The following TANC1 variants were observed in gnomAD, a reference collection of about 807,000 sequenced individuals.
TANC1 encodes protein TANC1.
A neutral mutation model predicts 149.7 loss-of-function variants in TANC1; 77 were observed. The ratio of observed to expected loss-of-function variants is 0.51; its 90% CI spans 0.43 to 0.62. TANC1 has a LOEUF of 0.62. Ranked by LOEUF, TANC1 falls within the 20% of genes least tolerant of loss-of-function variation. The pLI is 0.00. For synonymous variants in TANC1, 854 were observed against 925.0 expected, an observed-to-expected ratio of 0.92 and a Z score of 1.39; for missense variants, 1,985 against 2,321.8, an observed-to-expected ratio of 0.85 and a Z score of 2.98.
chr2:159,090,392 T>G (rs1315086308), intron 3 of TANC1, among the ~76,000 whole-genome samples: 1 of 152,232 alleles, frequency 6.6e-6, no homozygotes, highest in Non-Finnish European at 1.5e-5. Flanking sequence ...TTTGACCACC[T>G]TCTTGCTTCT....
chr2:159,228,934 T>G lies in TANC1; in HGVS notation c.4151+38T>G, dbSNP rs781270552. The stretch of plus-strand genomic sequence containing the variant: ...GTTATCTTTGTGTCTAGAGCTTTTT[T>G]TCTTGTGGGATCAAACCTGCCTGTT... On this transcript the variant is annotated intron_variant, in intron 26 of 26. Transcript: ENST00000263635. 9.7e-6 allele frequency: 15 copies of G among 1,543,140 alleles called. No individual in the cohort carries two copies. In the Admixed American group the frequency reaches 1.2e-4, roughly 12 times the overall value.
rs1235572493 is a variant in TANC1 at position 159,163,325 on chromosome 2, C to T, written c.725C>T (p.Ser242Phe). 6.8e-6 allele frequency: 11 copies of T among 1,614,118 alleles called. No homozygotes were observed. The highest frequency in any genetic ancestry group is 8.5e-6 in the Non-Finnish European group (10 of 1,180,006). ...TCCGAAAATGATGACCGGAGTGGCTCCAGTTTGGAATGGAATAAAGATGGA... is the reference window on the plus strand; with the variant it reads ...TCCGAAAATGATGACCGGAGTGGCTTCAGTTTGGAATGGAATAAAGATGGA... Reference protein sequence around the residue: ...SSSENDDRSGSSLEWNKDGNL... With the variant: ...SSSENDDRSGFSLEWNKDGNL... The change falls in exon 8 of 27, where the codon TCC becomes TTC. Residue 242 changes from serine (S) to phenylalanine (F), a missense_variant. Physicochemically the swap from Ser to Phe is radical, Grantham distance 155. This residue lies in a region of TANC1 where 557 missense variants were observed against 612.9 expected (regional missense o/e 0.91). Coordinates refer to ENST00000263635, the MANE Select transcript of TANC1 (RefSeq NM_033394.3).
chr2:159,016,247 C>T (rs2038253343), intron 2 of TANC1, among the ~76,000 whole-genome samples: 1 of 152,224 alleles, frequency 6.6e-6, no homozygotes, highest in African/African-American at 2.4e-5. Context: ...GATGCAAAAG[C>T]AGAAACCCCT....
chr2:159,089,093 C>G (rs2045261432), intron 3 of TANC1, among the ~76,000 whole-genome samples: 1 of 152,116 alleles, frequency 6.6e-6, no homozygotes, highest in African/African-American at 2.4e-5. Context: ...ATACAGAGGC[C>G]GACTCCAGGG....
At chr2:159,092,104 G>A (rs1196865806) in intron 3 of TANC1, among the ~76,000 whole-genome samples, 2 of 152,128 alleles carry the variant, frequency 1.3e-5, no homozygotes, top group African/African-American at 2.4e-5. Context: ...CACAAGTTCC[G>A]TTTTCTGGAG....
At chr2:159,208,831 T>C (rs2058798576) in intron 19 of TANC1, among the ~76,000 whole-genome samples, 1 of 152,200 alleles carries the variant, frequency 6.6e-6, no homozygotes, top group Non-Finnish European at 1.5e-5. Context: ...GATTTGGTCA[T>C]TGCGTGAAAA....
chr2:159,175,960 G>A (rs539099507), intron 12 of TANC1, among the ~76,000 whole-genome samples: 2 of 152,350 alleles, frequency 1.3e-5, no homozygotes, highest in Non-Finnish European at 2.9e-5. Context: ...GAGGGGGTCA[G>A]TTTCCCTTCC....
chr2:159,224,663 T>C (rs2059910872), intron 23 of TANC1: 2 of 324,584 alleles, frequency 6.2e-6, no homozygotes, highest in Middle Eastern at 9.4e-4. Context: ...TGGGGCCGGG[T>C]AGTGCTGCTG....
At chr2:159,146,448 C>G (rs535780306) in intron 5 of TANC1, among the ~76,000 whole-genome samples, 1 of 151,874 alleles carries the variant, frequency 6.6e-6, no homozygotes, top group African/African-American at 2.4e-5. Context: ...ATCCCAACCC[C>G]GGGTAAGGGT....
At chr2:159,009,731 A>C (rs750653104) in intron 2 of TANC1, among the ~76,000 whole-genome samples, 1 of 152,190 alleles carries the variant, frequency 6.6e-6, no homozygotes, top group African/African-American at 2.4e-5. Context: ...ATATTTTCAG[A>C]TAGCTAGAAG....
At chr2:159,023,646 A>G (rs1331222475) in intron 2 of TANC1, among the ~76,000 whole-genome samples, 1 of 151,776 alleles carries the variant, frequency 6.6e-6, no homozygotes, top group East Asian at 2.0e-4. Context: ...CTGGCCACCC[A>G]TGGCTTTTAA....
At chr2:159,181,198 G>A (rs2056431037) in intron 14 of TANC1, among the ~76,000 whole-genome samples, 3 of 152,024 alleles carry the variant, frequency 2.0e-5, no homozygotes, top group Non-Finnish European at 1.5e-5. Context: ...TTACTAAGCT[G>A]TTAGAAGTCT....
chr2:159,128,919 G>C (rs1322044540), intron 4 of TANC1, among the ~76,000 whole-genome samples: 1 of 152,116 alleles, frequency 6.6e-6, no homozygotes, highest in Non-Finnish European at 1.5e-5. Context: ...TTGCCTTAGT[G>C]ATAAAGGTTC....
intron 1 of TANC1, among the ~76,000 whole-genome samples, chr2:158,975,522 G>A (rs987209611): frequency 6.6e-6 from 1 of 152,016 alleles, no homozygotes; most frequent in African/African-American, 2.4e-5. Context: ...GTCAGCACAA[G>A]AGAACAAGTA....
intron 3 of TANC1, among the ~76,000 whole-genome samples, chr2:159,091,933 G>C (rs980873655): frequency 6.9e-6 from 1 of 145,948 alleles, no homozygotes; most frequent in Admixed American, 7.1e-5. Context: ...GGATCTTGTG[G>C]AAGAAATCTT....
chr2:159,178,424 C>A, intron 13 of TANC1, 132 bp from the exon 14 acceptor site: 4 of 1,084,468 alleles, frequency 3.7e-6, no homozygotes, highest in Non-Finnish European at 5.3e-6. Context: ...CGTTTTAATA[C>A]AAAACAATGA....
chr2:159,228,590 GT>G, intron 25 of TANC1: 2 of 538,560 alleles, frequency 3.7e-6, no homozygotes, highest in South Asian at 4.2e-5. Context: ...TACTACCACT[GT>G]TTTCATAGTG....
intron 8 of TANC1, among the ~76,000 whole-genome samples, 184 bp from the exon 9 acceptor site, chr2:159,169,066 T>C (rs1241886117): frequency 6.6e-6 from 1 of 152,234 alleles, no homozygotes; most frequent in African/African-American, 2.4e-5. Flanking sequence ...ATTTGGTTTT[T>C]ACCACTTTTC....
intron 2 of TANC1, among the ~76,000 whole-genome samples, chr2:159,029,629 T>C (rs531700262): frequency 6.6e-6 from 1 of 152,336 alleles, no homozygotes; most frequent in East Asian, 1.9e-4. Context: ...AGTGGCACAA[T>C]CATAGTTCAC....
Sources: gnomAD v4.1 joint callset for allele counts (sites outside exome capture counted in the v4.1 genomes callset) on GRCh38, gnomAD v4.1.1 for gene constraint, gnomAD v4.1.1 regional missense constraint, MANE v1.5 for transcripts, NCBI Gene and HGNC (gene_info 2026-07-23, HGNC 2026-07-21) for gene names.